Variants in NR3C2 observed in about 807,000 individuals in gnomAD.
NR3C2 encodes the protein nuclear receptor subfamily 3 group C member 2.
In NR3C2, 15 loss-of-function variants were observed where a neutral mutation model predicts 86.4. The ratio of observed to expected loss-of-function variants is 0.17; its 90% CI spans 0.12 to 0.27. NR3C2 has a LOEUF of 0.27. Ranked by LOEUF, NR3C2 falls within the 10% of genes least tolerant of loss-of-function variation. The probability of loss-of-function intolerance (pLI) is 1.00; values close to 1 mark genes in which losing one functional copy is unlikely to be tolerated. For missense variants in NR3C2, 960 were observed against 1,195.6 expected, an observed-to-expected ratio of 0.80 and a Z score of 2.91; for synonymous variants, 458 against 450.5, an observed-to-expected ratio of 1.02 and a Z score of -0.21.
intron 4 of NR3C2, among the ~76,000 whole-genome samples, chr4:148,192,667 G>A (rs1736253395): frequency 1.3e-5 from 2 of 151,860 alleles, no homozygotes; most frequent in African/African-American, 4.8e-5. Flanking sequence ...GCTGCTGTGG[G>A]GGGTGGGGTC....
chr4:148,316,153 T>C (rs1194211219), intron 2 of NR3C2, among the ~76,000 whole-genome samples: 1 of 152,056 alleles, frequency 6.6e-6, no homozygotes, highest in African/African-American at 2.4e-5. Flanking sequence ...CTAAGCAAAA[T>C]AGCAGAAAAT....
At chr4:148,329,862 A>G (rs973349803) in intron 2 of NR3C2, among the ~76,000 whole-genome samples, 2 of 152,262 alleles carry the variant, frequency 1.3e-5, no homozygotes, top group African/African-American at 4.8e-5. Context: ...TGGAGAAGTT[A>G]TAACTAAACA....
At position 148,436,498 on chromosome 4, in the gene NR3C2, C is replaced by T. The variant is rs759335102; in HGVS notation, c.363G>A (p.Gln121=). The change falls in exon 2 of 9, where the codon CAG becomes CAA. Residue 121 remains glutamine, a synonymous_variant. Coordinates refer to ENST00000358102, the MANE Select transcript of NR3C2 (RefSeq NM_000901.5). ...GACTCATGCTTCCTTGTTGGTTCTG[C>T]TGCTCATAGGAATAGTCAGCATCTC... ...SVRDADYSYE[Q]QNQQGSMSPA... 9 of 1,614,198 alleles carry T rather than the reference C, an allele frequency of 5.6e-6. No individual in the cohort carries two copies. The highest frequency in any genetic ancestry group is 7.6e-6 in the Non-Finnish European group (9 of 1,180,034).
At chr4:148,194,023 G>A (rs186320995) in intron 4 of NR3C2, among the ~76,000 whole-genome samples, 25 of 152,254 alleles carry the variant, frequency 1.6e-4, no homozygotes, top group African/African-American at 4.3e-4. Context: ...GATAATCGAT[G>A]AGCAAATACC....
At chr4:148,090,820 AAGC>A (rs1731026336) in intron 8 of NR3C2, among the ~76,000 whole-genome samples, 1 of 152,156 alleles carries the variant, frequency 6.6e-6, no homozygotes, top group South Asian at 2.1e-4. Context: ...CAGACAGAGA[AAGC>A]AGCTCATCCC....
chr4:148,295,570 C>T (rs1036661427), intron 2 of NR3C2, among the ~76,000 whole-genome samples: 2 of 149,720 alleles, frequency 1.3e-5, no homozygotes, highest in African/African-American at 4.9e-5. Context: ...AAAACTCCTG[C>T]CTAGCCTGTA....
intron 3 of NR3C2, among the ~76,000 whole-genome samples, chr4:148,228,652 A>C (rs1335766111): frequency 6.6e-6 from 1 of 152,184 alleles, no homozygotes; most frequent in Non-Finnish European, 1.5e-5. Flanking sequence ...TGGTAAGTGG[A>C]GTTTTAAATT....
intron 2 of NR3C2, among the ~76,000 whole-genome samples, chr4:148,431,105 T>G (rs1400714809): frequency 1.3e-5 from 2 of 152,138 alleles, no homozygotes; most frequent in Non-Finnish European, 2.9e-5. Flanking sequence ...CCTGTTTCCA[T>G]GAGGAATTGT....
intron 2 of NR3C2, among the ~76,000 whole-genome samples, chr4:148,296,960 T>G (rs1009322666): frequency 2.6e-5 from 4 of 152,170 alleles, no homozygotes; most frequent in African/African-American, 9.7e-5. Flanking sequence ...ACACACACTA[T>G]CCAGTAAAGT....
intron 4 of NR3C2, among the ~76,000 whole-genome samples, chr4:148,158,310 A>T (rs975904527): frequency 2.0e-5 from 3 of 152,236 alleles, no homozygotes; most frequent in Admixed American, 2.0e-4. Context: ...TGACGACTCT[A>T]TCAGAGCTTA....
At chr4:148,246,485 A>G (rs1483645215) in intron 3 of NR3C2, among the ~76,000 whole-genome samples, 1 of 152,230 alleles carries the variant, frequency 6.6e-6, no homozygotes, top group Non-Finnish European at 1.5e-5. Flanking sequence ...CTTGTAGTCC[A>G]GTTAGCAACT....
chr4:148,143,443 A>G (rs72961574), intron 6 of NR3C2, among the ~76,000 whole-genome samples: 9,725 of 152,256 alleles, frequency 0.064, 1,041 homozygotes, highest in African/African-American at 0.22. Context: ...CTATGCCACC[A>G]ACTTATACCT....
intron 2 of NR3C2, among the ~76,000 whole-genome samples, chr4:148,277,134 G>A (rs1396320401): frequency 6.6e-6 from 1 of 152,138 alleles, no homozygotes; most frequent in Non-Finnish European, 1.5e-5. Flanking sequence ...GCAGCAAACT[G>A]AAGATCGAGA....
In NR3C2 at chr4:148,397,492, G is replaced by A. The variant is rs116901146; in HGVS notation, c.1757+37612C>T. ...ACACAGAGCCACCAATCTCTCAGAC[G>A]GGAATCCTGCCAAAATGTATTATCA... On this transcript the variant is annotated intron_variant, in intron 2 of 8. Coordinates refer to ENST00000358102, the MANE Select transcript of NR3C2 (RefSeq NM_000901.5). Among the ~76,000 whole-genome samples the A allele has an allele frequency of 9.2e-5, 14 of 152,280 alleles. No individual in the cohort carries two copies. The East Asian group carries it at 1.7e-3, about 19-fold the overall frequency.
At position 148,154,827 on chromosome 4, in the gene NR3C2, G is replaced by A; in HGVS notation, c.2089C>T (p.Pro697Ser). The change falls in exon 5 of 9, where the codon CCA becomes TCA. Residue 697 changes from proline to serine, a missense_variant. Pro to Ser is a moderately conservative substitution (Grantham distance 74). This residue lies in a region of NR3C2 where 82 missense variants were observed against 73.0 expected (regional missense o/e 1.12). Transcript: ENST00000358102. ...EQPQQQQPPPPPPPPQSPEEG... is the reference protein window; with the variant it reads ...EQPQQQQPPPSPPPPQSPEEG... ...TCTGGGCTTTGCGGGGGTGGGGGTG[G>A]GGGTGGGGGCTGCTGCTGCTGTGGC... 1 of 1,510,750 alleles carries A rather than the reference G, an allele frequency of 6.6e-7. No individual in the cohort carries two copies. Among genetic ancestry groups the A allele is most frequent in the Non-Finnish European group, 9.0e-7 (1 of 1,115,010 alleles). 93.6% of individuals were successfully genotyped at this position (1,510,750 alleles called of 1,614,324 possible).
upstream of NR3C2, chr4:148,444,251 C>A (rs1750488523): frequency 2.0e-6 from 2 of 985,212 alleles, no homozygotes; most frequent in African/African-American, 3.5e-5. Flanking sequence ...TTTTTATCTC[C>A]TTTGAGGAGG....
At chr4:148,120,756 C>T (rs1732473947) in intron 6 of NR3C2, among the ~76,000 whole-genome samples, 1 of 152,136 alleles carries the variant, frequency 6.6e-6, no homozygotes, top group African/African-American at 2.4e-5. Context: ...ATGGGCCTTC[C>T]TTACAGAGGT....
At chr4:148,226,882 G>T (rs1415031910) in intron 3 of NR3C2, among the ~76,000 whole-genome samples, 4 of 152,096 alleles carry the variant, frequency 2.6e-5, no homozygotes, top group Admixed American at 1.3e-4. Context: ...CAGCATCATT[G>T]GTTAAGCCTG....
chr4:148,087,391 A>T (rs534410664), intron 8 of NR3C2, among the ~76,000 whole-genome samples: 45 of 152,334 alleles, frequency 3.0e-4, no homozygotes, highest in Non-Finnish European at 5.0e-4. Flanking sequence ...ATTAGAAAAA[A>T]ACTACTTCAA....
Sources: allele counts gnomAD v4.1 joint callset (sites outside exome capture counted in the v4.1 genomes callset), GRCh38; gene constraint gnomAD v4.1.1; regional missense constraint gnomAD v4.1.1; transcripts MANE v1.5; gene names NCBI Gene and HGNC (gene_info 2026-07-23, HGNC 2026-07-21).